The following KCNMA1 variants were observed in gnomAD, a reference collection of about 807,000 sequenced individuals.
KCNMA1 encodes Calcium-activated potassium channel subunit alpha-1.
A neutral mutation model predicts 140.0 loss-of-function variants in KCNMA1; 29 were observed. That is an observed-to-expected ratio of 0.21 (90% confidence interval 0.15 to 0.28). The LOEUF (loss-of-function observed/expected upper bound fraction) is 0.28, where lower values mean the gene tolerates loss of function less well. Ranked by LOEUF, KCNMA1 falls within the 10% of genes least tolerant of loss-of-function variation. KCNMA1 has a pLI of 1.00. For missense variants in KCNMA1, 880 were observed against 1,602.2 expected (o/e 0.55, Z 7.70); for synonymous variants, 612 against 611.9 (o/e 1.00, Z 0.00).
Position 76,886,348 on chromosome 10 carries a change from T to C in KCNMA1, c.*918A>G. 1 of 985,186 alleles carries C rather than the reference T, an allele frequency of 1.0e-6. No homozygotes were observed. The highest frequency in any genetic ancestry group is 4.7e-5 in the South Asian group (1 of 21,270). The allele number at this position is 985,186 out of a possible 1,614,324, so 61.0% of individuals were successfully genotyped here. ...TAAGTAATTCACCTTTTAAAAGATGTAAAAGTCCCAGGAAGGCAGTTTTTA... is the reference window on the plus strand; with the variant it reads ...TAAGTAATTCACCTTTTAAAAGATGCAAAAGTCCCAGGAAGGCAGTTTTTA... On this transcript the variant is annotated 3_prime_UTR_variant, in exon 28 of 28. Transcript: ENST00000286628.
intron 17 of KCNMA1, 150 bp downstream of exon 17, chr10:77,018,863 T>G (rs1398351753): frequency 1.5e-6 from 1 of 663,046 alleles, no homozygotes; most frequent in Admixed American, 2.5e-5. Context: ...ATTCACTACA[T>G]GAACTGGAGT....
chr10:77,502,910 T>C (rs999461379), intron 1 of KCNMA1, among the ~76,000 whole-genome samples: 1 of 152,188 alleles, frequency 6.6e-6, no homozygotes, highest in Non-Finnish European at 1.5e-5. Context: ...GTGATAAATA[T>C]CATTAGTGTA....
At chr10:77,289,111 T>A (rs1479841422) in intron 2 of KCNMA1, among the ~76,000 whole-genome samples, 1 of 152,154 alleles carries the variant, frequency 6.6e-6, no homozygotes, top group Non-Finnish European at 1.5e-5. Context: ...CAGGCTTATC[T>A]CCTCCAGCTC....
At chr10:77,298,612 C>G (rs1027357442) in intron 2 of KCNMA1, among the ~76,000 whole-genome samples, 2 of 47,902 alleles carry the variant, frequency 4.2e-5, no homozygotes, top group African/African-American at 2.1e-4. Context: ...AGGGGGCACC[C>G]TAACTGAAAA....
chr10:77,371,956 G>C (rs1344323511), intron 2 of KCNMA1, among the ~76,000 whole-genome samples: 1 of 152,186 alleles, frequency 6.6e-6, no homozygotes. Flanking sequence ...TTAAAGCATG[G>C]AGTCAACAGT....
chr10:77,573,632 GGAATGGAATGGAATA>G lies in KCNMA1; in HGVS notation c.378+63618_378+63632del, dbSNP rs1567635718. On this transcript the variant is annotated intron_variant, in intron 1 of 27. Transcript: ENST00000286628. Reference sequence around the variant, plus strand: ...AAAATGGAATGGAATGGAATGGAATGGAATGGAATGGAATAGAATAGAATAGAATAGAATAGAATA... The same window carrying G: ...AAAATGGAATGGAATGGAATGGAATGGAATAGAATAGAATAGAATAGAATA... Among the ~76,000 whole-genome samples, 830 of 91,298 alleles carry G rather than the reference GGAATGGAATGGAATA, an allele frequency of 9.1e-3. 2 individuals are homozygous for G. The highest frequency in any genetic ancestry group is 0.011 in the Non-Finnish European group (494 of 43,904). 59.9% of individuals were successfully genotyped at this position (91,298 alleles called of 152,430 possible).
chr10:77,177,458 TTC>T (rs1486067701), intron 5 of KCNMA1, among the ~76,000 whole-genome samples: 1 of 151,236 alleles, frequency 6.6e-6, no homozygotes, highest in East Asian at 1.9e-4. Context: ...TCCTTCCTCT[TTC>T]TCTGTTTCTC....
chr10:77,255,510 G>A (rs1435584864), intron 2 of KCNMA1, among the ~76,000 whole-genome samples: 1 of 152,114 alleles, frequency 6.6e-6, no homozygotes, highest in Non-Finnish European at 1.5e-5. Context: ...TGAAACAGGA[G>A]AATCACTTGA....
intron 1 of KCNMA1, among the ~76,000 whole-genome samples, chr10:77,562,117 G>A (rs2066590323): frequency 6.6e-6 from 1 of 152,158 alleles, no homozygotes; most frequent in African/African-American, 2.4e-5. Context: ...GGTGGTGGTG[G>A]TTTGTTTCTT....
At chr10:77,042,426 T>A (rs2094782122) in intron 14 of KCNMA1, among the ~76,000 whole-genome samples, 1 of 152,208 alleles carries the variant, frequency 6.6e-6, no homozygotes, top group Non-Finnish European at 1.5e-5. Flanking sequence ...ATTAACATAA[T>A]TTGTTTTATT....
At chr10:77,458,838 A>G (rs2097802087) in intron 1 of KCNMA1, among the ~76,000 whole-genome samples, 1 of 152,220 alleles carries the variant, frequency 6.6e-6, no homozygotes, top group Admixed American at 6.5e-5. Context: ...AATTACTTGA[A>G]TTGAAAAACT....
chr10:77,038,294 C>T (rs2094459384), intron 15 of KCNMA1, among the ~76,000 whole-genome samples: 1 of 152,128 alleles, frequency 6.6e-6, no homozygotes, highest in South Asian at 2.1e-4. Flanking sequence ...AAAGCCTGAT[C>T]AGTTTTGTTT....
intron 3 of KCNMA1, among the ~76,000 whole-genome samples, chr10:77,203,058 G>A (rs546890560): frequency 8.5e-5 from 13 of 152,286 alleles, no homozygotes; most frequent in African/African-American, 2.4e-4. Flanking sequence ...ACCTGACACC[G>A]TTATTACCTG....
At chr10:77,123,014 T>TA (rs61650688) in intron 5 of KCNMA1, among the ~76,000 whole-genome samples, 63,685 of 148,264 alleles carry the variant, frequency 0.43, 13,855 homozygotes, top group Middle Eastern at 0.49. Flanking sequence ...CCGTCTCTAC[T>TA]AAAAAACACA....
intron 2 of KCNMA1, among the ~76,000 whole-genome samples, chr10:77,271,540 T>G (rs1377346966): frequency 6.6e-6 from 1 of 152,206 alleles, no homozygotes; most frequent in Non-Finnish European, 1.5e-5. Context: ...GAGCCGAAGA[T>G]GAGCATCTAC....
At chr10:77,209,769 G>A (rs1189738942) in intron 3 of KCNMA1, among the ~76,000 whole-genome samples, 1 of 152,054 alleles carries the variant, frequency 6.6e-6, no homozygotes, top group African/African-American at 2.4e-5. Context: ...AGACTATTAT[G>A]AATACCTCTA....
downstream of KCNMA1, among the ~76,000 whole-genome samples, chr10:76,881,064 C>T (rs2034466091): frequency 7.5e-6 from 1 of 133,456 alleles, no homozygotes; most frequent in African/African-American, 2.6e-5. Context: ...GCTAGTGGGA[C>T]AAGATAAAAC....
intron 5 of KCNMA1, among the ~76,000 whole-genome samples, chr10:77,148,813 A>G (rs2098363937): frequency 6.6e-6 from 1 of 152,250 alleles, no homozygotes; most frequent in South Asian, 2.1e-4. Flanking sequence ...GTGATGGACC[A>G]GATGTAGCCT....
chr10:77,315,829 T>C (rs908462949), intron 2 of KCNMA1: 1 of 152,246 alleles, frequency 6.6e-6, no homozygotes, highest in South Asian at 2.1e-4. Context: ...CATCATAAAC[T>C]GCATCAAGTA....
Sources: gnomAD v4.1 joint callset for allele counts (sites outside exome capture counted in the v4.1 genomes callset) on GRCh38, gnomAD v4.1.1 for gene constraint, MANE v1.5 for transcripts, NCBI Gene and HGNC (gene_info 2026-07-23, HGNC 2026-07-21) for gene names.